The following ASH1L variants were observed in gnomAD, a reference collection of about 807,000 sequenced individuals.
ASH1L encodes ASH1 like histone lysine methyltransferase, also known as histone-lysine N-methyltransferase ASH1L.
In ASH1L, 23 loss-of-function variants were observed where a neutral mutation model predicts 269.0. That is an observed-to-expected ratio of 0.09 (90% CI 0.06 to 0.12). The LOEUF is 0.12. Among genes scored for constraint, ASH1L ranks in the 10% least tolerant of loss-of-function variants. ASH1L has a pLI of 1.00. For missense variants in ASH1L, 2,912 were observed against 3,567.8 expected, an observed-to-expected ratio of 0.82 and a Z score of 4.68; for synonymous variants, 1,187 against 1,253.5, an observed-to-expected ratio of 0.95 and a Z score of 1.12.
At chr1:155,501,199 TCTTC>T (rs1412709924) in intron 2 of ASH1L, among the ~76,000 whole-genome samples, 3 of 152,174 alleles carry the variant, frequency 2.0e-5, no homozygotes, top group Non-Finnish European at 2.9e-5. Flanking sequence ...GTTTTGTCTT[TCTTC>T]CTTATTTTTA....
intron 2 of ASH1L, among the ~76,000 whole-genome samples, chr1:155,499,781 T>C (rs1434609855): frequency 6.6e-6 from 1 of 152,194 alleles, no homozygotes; most frequent in Admixed American, 6.5e-5. Flanking sequence ...AAAGTAATGA[T>C]ATTTAGGCTT....
chr1:155,428,871 A>C (rs1326255909), intron 5 of ASH1L, among the ~76,000 whole-genome samples: 1 of 152,136 alleles, frequency 6.6e-6, no homozygotes, highest in Non-Finnish European at 1.5e-5. Flanking sequence ...TACGCGGGTA[A>C]ATCTCTGTTC....
intron 1 of ASH1L, among the ~76,000 whole-genome samples, chr1:155,530,119 T>G (rs2148864879): frequency 6.6e-6 from 1 of 152,218 alleles, no homozygotes; most frequent in South Asian, 2.1e-4. Flanking sequence ...TTCACTTCCT[T>G]CGTATCTTTG....
At chr1:155,458,226 C>A (rs1166343908) in intron 4 of ASH1L, among the ~76,000 whole-genome samples, 1 of 152,174 alleles carries the variant, frequency 6.6e-6, no homozygotes, top group East Asian at 1.9e-4. Context: ...TAACAAAGAG[C>A]TTCTAAAGAT....
At chr1:155,489,131 A>T (rs1484518096) in intron 2 of ASH1L, among the ~76,000 whole-genome samples, 1 of 152,198 alleles carries the variant, frequency 6.6e-6, no homozygotes, top group East Asian at 1.9e-4. Context: ...ATAATTCATA[A>T]AATCAACCAC....
At chr1:155,468,479 T>C (rs1664858845) in intron 3 of ASH1L, among the ~76,000 whole-genome samples, 1 of 152,176 alleles carries the variant, frequency 6.6e-6, no homozygotes, top group South Asian at 2.1e-4. Context: ...ATTTGGAATT[T>C]TTCTGTAAGG....
chr1:155,423,968 G>A (rs1270368343), intron 5 of ASH1L, among the ~76,000 whole-genome samples: 6 of 151,994 alleles, frequency 3.9e-5, no homozygotes, highest in African/African-American at 1.2e-4. Context: ...CCCATGATCC[G>A]CCTGCCTCGG....
At chr1:155,443,361 C>A (rs1662750209) in intron 4 of ASH1L, among the ~76,000 whole-genome samples, 1 of 152,164 alleles carries the variant, frequency 6.6e-6, no homozygotes, top group African/African-American at 2.4e-5. Context: ...TCTGGCCTGC[C>A]AATTTATGTT....
At chr1:155,408,508 G>C (rs930304462) in intron 6 of ASH1L, among the ~76,000 whole-genome samples, 19 of 152,006 alleles carry the variant, frequency 1.2e-4, no homozygotes, top group Non-Finnish European at 2.1e-4. Context: ...CCAGATACAG[G>C]CCAAAGAAAG....
chr1:155,504,922 C>T lies in ASH1L; in HGVS notation c.420+16178G>A, dbSNP rs137889281. 3.7e-3 allele frequency among the ~76,000 whole-genome samples: 554 copies of T among 150,522 alleles called. 4 individuals are homozygous for T. Among genetic ancestry groups the T allele is most frequent in the African/African-American group, 0.013 (515 of 41,046 alleles). On this transcript the variant is annotated intron_variant, in intron 2 of 27. Coordinates refer to ENST00000392403, the MANE Select transcript of ASH1L (RefSeq NM_018489.3). ...CAGGGCCCCTACTTACCAAAGCAAA[C>T]CCAAATTTCTGAAACAGAAAAATAG...
chr1:155,473,914 C>A (rs374796979), intron 3 of ASH1L, among the ~76,000 whole-genome samples: 242 of 152,324 alleles, frequency 1.6e-3, no homozygotes, highest in African/African-American at 5.7e-3. Context: ...CGGCTCACTG[C>A]AACCTCTACC....
intron 2 of ASH1L, among the ~76,000 whole-genome samples, chr1:155,506,540 T>C (rs1667825727): frequency 6.7e-6 from 1 of 149,152 alleles, no homozygotes; most frequent in Non-Finnish European, 1.5e-5. Flanking sequence ...CTACTAAAAA[T>C]ACAAAAATTA....
intron 7 of ASH1L, 51 bp downstream of exon 7, chr1:155,395,408 C>CAGGA: frequency 7.5e-7 from 1 of 1,339,474 alleles, no homozygotes; most frequent in Non-Finnish European, 1.0e-6. Context: ...CCCTCAAACC[C>CAGGA]AGGAAATACT....
chr1:155,443,979 CTTTTTTTTTTT>C (rs60206113), intron 4 of ASH1L, among the ~76,000 whole-genome samples: 1 of 105,768 alleles, frequency 9.5e-6, no homozygotes. Context: ...ATTACTAAAT[CTTTTTTTTTTT>C]TTTTTTTTTT....
chr1:155,433,291 C>A (rs1472688938), intron 5 of ASH1L: 2 of 1,571,138 alleles, frequency 1.3e-6, no homozygotes, highest in Non-Finnish European at 1.7e-6. Flanking sequence ...CCTGGCTAAG[C>A]TTCCAAGGCC....
intron 1 of ASH1L, among the ~76,000 whole-genome samples, chr1:155,553,330 T>C (rs952784125): frequency 6.6e-6 from 1 of 152,232 alleles, no homozygotes; most frequent in African/African-American, 2.4e-5. Context: ...AAATATTTTA[T>C]TGACATTAAT....
At chr1:155,540,448 G>A (rs867267163) in intron 1 of ASH1L, among the ~76,000 whole-genome samples, 1 of 152,132 alleles carries the variant, frequency 6.6e-6, no homozygotes, top group Non-Finnish European at 1.5e-5. Flanking sequence ...TGTGAGCAGA[G>A]CAAGAGCAAA....
chr1:155,405,311 T>C (rs1479247759), intron 6 of ASH1L, among the ~76,000 whole-genome samples: 1 of 151,684 alleles, frequency 6.6e-6, no homozygotes, highest in Admixed American at 6.6e-5. Flanking sequence ...GGTGAAACCC[T>C]GTCTCTACAA....
intron 10 of ASH1L, among the ~76,000 whole-genome samples, chr1:155,372,203 G>A (rs1656015655): frequency 6.6e-6 from 1 of 151,910 alleles, no homozygotes; most frequent in African/African-American, 2.4e-5. Context: ...TGTTGGCCAG[G>A]CTGGTTTCGA....
Sources: allele counts gnomAD v4.1 joint callset (sites outside exome capture counted in the v4.1 genomes callset), GRCh38; gene constraint gnomAD v4.1.1; transcripts MANE v1.5; gene names NCBI Gene and HGNC (gene_info 2026-07-23, HGNC 2026-07-21).